The following FHIT variants were observed in gnomAD, a reference collection of about 807,000 sequenced individuals.
The protein encoded by FHIT is bis(5'-adenosyl)-triphosphatase.
A neutral mutation model predicts 17.9 loss-of-function variants in FHIT; 19 were observed. The observed-to-expected ratio is 1.06, with a 90% CI of 0.74 to 1.56. The LOEUF (loss-of-function observed/expected upper bound fraction) is 1.56. FHIT is among the 40% of genes most tolerant of loss of function. The pLI is 0.00. For missense variants in FHIT, 248 were observed against 189.2 expected, an observed-to-expected ratio of 1.31 and a Z score of -1.82; for synonymous variants, 81 against 69.7, an observed-to-expected ratio of 1.16 and a Z score of -0.81.
intron 5 of FHIT, among the ~76,000 whole-genome samples, chr3:60,438,092 C>A (rs1022638790): frequency 6.6e-6 from 1 of 151,980 alleles, no homozygotes; most frequent in South Asian, 2.1e-4. Flanking sequence ...TGGGATATGG[C>A]AACTGTGGCA....
chr3:59,862,569 T>A (rs1466112026), intron 8 of FHIT, among the ~76,000 whole-genome samples: 2 of 152,342 alleles, frequency 1.3e-5, no homozygotes, highest in African/African-American at 4.8e-5. Context: ...CAGAGAATGT[T>A]TCACAGGTCC....
intron 2 of FHIT, among the ~76,000 whole-genome samples, chr3:61,077,784 G>A (rs978003580): frequency 6.6e-6 from 1 of 152,034 alleles, no homozygotes; most frequent in Admixed American, 6.6e-5. Context: ...CACCATCACT[G>A]GCTTCCATGT....
intron 7 of FHIT, among the ~76,000 whole-genome samples, chr3:59,964,315 C>T (rs1296605180): frequency 6.6e-6 from 1 of 152,062 alleles, no homozygotes; most frequent in African/African-American, 2.4e-5. Flanking sequence ...ATATGACATG[C>T]CATTCACATT....
chr3:60,144,951 G>C (rs17062361), intron 5 of FHIT, among the ~76,000 whole-genome samples: 21,973 of 152,092 alleles, frequency 0.14, 2,685 homozygotes, highest in African/African-American at 0.33. Flanking sequence ...TGTAAATAAA[G>C]GGCGTGTGAT....
chr3:59,752,296 A>G lies in FHIT; in HGVS notation c.374T>C (p.Phe125Ser), dbSNP rs1700957338. Residue 125 changes from phenylalanine to serine, a missense_variant, in exon 9 of 10, where the codon TTT becomes TCT. Phe to Ser is a radical substitution (Grantham distance 155). Coordinates refer to ENST00000492590, the MANE Select transcript of FHIT (RefSeq NM_002012.4). ...EELQKHDKEDFPASWRSEEEM... is the reference protein window; with the variant it reads ...EELQKHDKEDSPASWRSEEEM... Reference sequence around the variant, plus strand: ...CTCCTCTGATCTCCAAGAGGCAGGAAAGTCCTCCTTGTCATGTTTCTGGAG... The same window carrying G: ...CTCCTCTGATCTCCAAGAGGCAGGAGAGTCCTCCTTGTCATGTTTCTGGAG... 1 of 1,612,888 alleles carries G rather than the reference A, an allele frequency of 6.2e-7. No individual in the cohort carries two copies. The highest frequency in any genetic ancestry group is 8.5e-7 in the Non-Finnish European group (1 of 1,179,564).
chr3:61,149,430 TA>T (rs1273018759), intron 2 of FHIT, among the ~76,000 whole-genome samples: 1 of 151,786 alleles, frequency 6.6e-6, no homozygotes, highest in African/African-American at 2.4e-5. Context: ...GTTTAATAAA[TA>T]AAAATTGTTT....
At position 60,724,657 on chromosome 3, in the gene FHIT, T is replaced by G. The variant is rs570524707; in HGVS notation, c.-18+97262A>C. On this transcript the variant is annotated intron_variant, in intron 4 of 9. Coordinates refer to ENST00000492590, the MANE Select transcript of FHIT (RefSeq NM_002012.4). ...TACTATTAACTGTCTGTTTTTTTTT[T>G]TTGTTTTTTTTTTTTTTGAGACAGC... Among the ~76,000 whole-genome samples, 299 of 141,406 alleles carry G rather than the reference T, an allele frequency of 2.1e-3. 2 individuals carry two copies. Among genetic ancestry groups the G allele is most frequent in the African/African-American group, 7.8e-3 (277 of 35,438 alleles). 92.8% of individuals were successfully genotyped at this position (141,406 alleles called of 152,430 possible).
At chr3:61,196,347 G>C (rs1037357560) in intron 2 of FHIT, among the ~76,000 whole-genome samples, 1 of 152,058 alleles carries the variant, frequency 6.6e-6, no homozygotes, top group East Asian at 1.9e-4. Context: ...AAGGTAATTT[G>C]TAATGCATAT....
At chr3:60,701,107 C>A (rs868988837) in intron 4 of FHIT, among the ~76,000 whole-genome samples, 3 of 149,626 alleles carry the variant, frequency 2.0e-5, no homozygotes, top group Non-Finnish European at 4.4e-5. Context: ...CATTTCCCAA[C>A]TGAACTGAAA....
At chr3:61,043,441 T>A (rs946665656) in intron 2 of FHIT, among the ~76,000 whole-genome samples, 3 of 152,132 alleles carry the variant, frequency 2.0e-5, no homozygotes, top group African/African-American at 7.2e-5. Context: ...CATCCATCAT[T>A]GCTGAGGCTT....
intron 2 of FHIT, among the ~76,000 whole-genome samples, chr3:61,168,651 T>TTTC (rs2037910817): frequency 6.6e-6 from 1 of 152,226 alleles, no homozygotes; most frequent in Non-Finnish European, 1.5e-5. Context: ...CTCAACTTGG[T>TTTC]TTCTGAAGAA....
intron 3 of FHIT, among the ~76,000 whole-genome samples, chr3:60,901,368 C>T (rs1311698339): frequency 6.6e-6 from 1 of 152,138 alleles, no homozygotes; most frequent in Non-Finnish European, 1.5e-5. Flanking sequence ...GTAGCCATCT[C>T]AGACAAATAA....
At chr3:60,627,801 C>T (rs1176921375) in intron 4 of FHIT, among the ~76,000 whole-genome samples, 3 of 152,180 alleles carry the variant, frequency 2.0e-5, no homozygotes, top group Middle Eastern at 3.2e-3. Flanking sequence ...GAATTATAGG[C>T]GTGAGCCACT....
At chr3:60,896,221 G>A (rs1299790988) in intron 3 of FHIT, among the ~76,000 whole-genome samples, 1 of 152,084 alleles carries the variant, frequency 6.6e-6, no homozygotes, top group Non-Finnish European at 1.5e-5. Flanking sequence ...CCGGTCCCTG[G>A]TGCCAAAAAG....
chr3:61,104,534 G>T (rs1451128837), intron 2 of FHIT, among the ~76,000 whole-genome samples: 1 of 152,070 alleles, frequency 6.6e-6, no homozygotes, highest in South Asian at 2.1e-4. Flanking sequence ...AGAATCTGAC[G>T]ATTATGTGTT....
intron 4 of FHIT, among the ~76,000 whole-genome samples, chr3:60,691,435 C>A (rs2040988682): frequency 1.3e-5 from 2 of 151,752 alleles, no homozygotes; most frequent in Admixed American, 1.3e-4. Flanking sequence ...ATGGCACAGC[C>A]ACAGCTCACT....
chr3:60,775,052 A>G (rs1451693409), intron 4 of FHIT, among the ~76,000 whole-genome samples: 1 of 152,214 alleles, frequency 6.6e-6, no homozygotes, highest in African/African-American at 2.4e-5. Context: ...GTTAATGCAG[A>G]CCAAATTCAT....
At chr3:59,943,870 G>A (rs1331308466) in intron 7 of FHIT, among the ~76,000 whole-genome samples, 2 of 152,146 alleles carry the variant, frequency 1.3e-5, no homozygotes, top group Non-Finnish European at 2.9e-5. Context: ...TCACACCACT[G>A]ACTGCTACCT....
intron 5 of FHIT, among the ~76,000 whole-genome samples, chr3:60,375,046 G>T (rs1178720247): frequency 6.6e-6 from 1 of 150,648 alleles, no homozygotes; most frequent in South Asian, 2.1e-4. Context: ...TGAGAAGAGG[G>T]AGAGAAAAAT....
Sources: allele counts gnomAD v4.1 joint callset (sites outside exome capture counted in the v4.1 genomes callset), GRCh38; gene constraint gnomAD v4.1.1; transcripts MANE v1.5; gene names NCBI Gene and HGNC (gene_info 2026-07-23, HGNC 2026-07-21).